OR1J2: variants seen among roughly 807,000 people sequenced by gnomAD.
OR1J2 encodes the protein olfactory receptor 1J2.
For missense variants in OR1J2, 304 were observed against 246.1 expected (o/e 1.24, Z -1.57); for synonymous variants, 142 against 99.7 (o/e 1.42, Z -2.52).
chr9:122,571,460 G>GA, the OR1J2 span, among the ~76,000 whole-genome samples: 9 of 151,458 alleles, frequency 5.9e-5, no homozygotes, highest in Non-Finnish European at 1.5e-5. Flanking sequence ...TGAGGCAGGA[G>GA]AATTGCTTGA....
chr9:122,514,257 G>C (rs976414215), downstream of OR1J2, among the ~76,000 whole-genome samples: 1 of 152,138 alleles, frequency 6.6e-6, no homozygotes, highest in Non-Finnish European at 1.5e-5. Context: ...GATAGTGAGC[G>C]TAGTACCCAA....
chr9:122,545,832 G>C, the OR1J2 span, among the ~76,000 whole-genome samples: 2 of 151,890 alleles, frequency 1.3e-5, no homozygotes, highest in Non-Finnish European at 2.9e-5. Flanking sequence ...ATACCAGACT[G>C]GGAATTATCT....
chr9:122,489,248 GACAC>G, the OR1J2 span, among the ~76,000 whole-genome samples: 2 of 151,738 alleles, frequency 1.3e-5, no homozygotes, highest in Non-Finnish European at 2.9e-5. Context: ...GAGAAGAAAA[GACAC>G]ACACACCATT....
the OR1J2 span, chr9:122,477,057 G>C: frequency 1.2e-6 from 2 of 1,614,024 alleles, no homozygotes; most frequent in East Asian, 4.5e-5. Flanking sequence ...TTCTCAGACT[G>C]TAAATGAATG....
Position 122,510,909 on chromosome 9 carries a change from G to C in OR1J2, c.108G>C (p.Leu36=), listed in dbSNP as rs1206243756. 5.0e-6 allele frequency: 8 copies of C among 1,612,312 alleles called. No homozygotes were observed. The highest frequency in any genetic ancestry group is 6.8e-6 in the Non-Finnish European group (8 of 1,178,522). Residue 36 remains leucine, a synonymous_variant, in exon 1 of 1, where the codon CTG becomes CTC. Transcript: ENST00000335302. ...TCACCCTGTTCCTGGGCATGTACCT[G>C]ACCACGGTGCTGGGGAACCTGCTCA... ...VFFTLFLGMY[L]TTVLGNLLIM...
chr9:122,564,246 C>T, the OR1J2 span, among the ~76,000 whole-genome samples: 4 of 152,154 alleles, frequency 2.6e-5, no homozygotes, highest in Non-Finnish European at 4.4e-5. Context: ...TGTGTCCACT[C>T]GATCCCAAAA....
upstream of OR1J2, chr9:122,510,702 T>C (rs1828614784): frequency 1.3e-6 from 1 of 742,832 alleles, no homozygotes; most frequent in Admixed American, 2.4e-5. Flanking sequence ...CCTGTGTCTA[T>C]GTTAAAACGT....
At chr9:122,448,276 C>T in the OR1J2 span, among the ~76,000 whole-genome samples, 1 of 152,160 alleles carries the variant, frequency 6.6e-6, no homozygotes, top group African/African-American at 2.4e-5. Flanking sequence ...ATGCTTTTCT[C>T]CACCTAAACA....
At chr9:122,505,435 TG>T in the OR1J2 span, among the ~76,000 whole-genome samples, 1 of 152,178 alleles carries the variant, frequency 6.6e-6, no homozygotes, top group Non-Finnish European at 1.5e-5. Context: ...AATCTATGAA[TG>T]GATAAATCCA....
chr9:122,479,103 G>A, the OR1J2 span, among the ~76,000 whole-genome samples: 10 of 152,204 alleles, frequency 6.6e-5, no homozygotes, highest in South Asian at 6.2e-4. Flanking sequence ...AATGTGTAGC[G>A]CGAAAACATA....
At chr9:122,574,632 T>C in the OR1J2 span, among the ~76,000 whole-genome samples, 1 of 152,132 alleles carries the variant, frequency 6.6e-6, no homozygotes, top group Admixed American at 6.5e-5. Context: ...AAATCATCTG[T>C]GAACAAAGAT....
the OR1J2 span, among the ~76,000 whole-genome samples, chr9:122,451,794 C>G: frequency 6.6e-6 from 1 of 152,324 alleles, no homozygotes; most frequent in African/African-American, 2.4e-5. Flanking sequence ...TTTCCCATAA[C>G]TGGTGTAATT....
chr9:122,549,667 G>A, the OR1J2 span, among the ~76,000 whole-genome samples: 3 of 152,068 alleles, frequency 2.0e-5, no homozygotes, highest in Admixed American at 1.3e-4. Context: ...ATATCAGTTG[G>A]CTGTAAGTAT....
At chr9:122,468,694 T>C in the OR1J2 span, among the ~76,000 whole-genome samples, 4 of 152,276 alleles carry the variant, frequency 2.6e-5, no homozygotes, top group Admixed American at 2.6e-4. Context: ...GCTGCATCCT[T>C]GTTAGTCAAG....
the OR1J2 span, among the ~76,000 whole-genome samples, chr9:122,577,178 C>CT: frequency 2.6e-3 from 391 of 151,998 alleles, 2 homozygotes; most frequent in Admixed American, 5.4e-3. Flanking sequence ...ATGACCTAGT[C>CT]TTTTTTTTAA....
At chr9:122,485,959 A>C in the OR1J2 span, among the ~76,000 whole-genome samples, 5 of 138,572 alleles carry the variant, frequency 3.6e-5, no homozygotes, top group Non-Finnish European at 8.0e-5. Flanking sequence ...TTCCCACATA[A>C]GTTTTTTTTT....
chr9:122,532,077 G>A, the OR1J2 span, among the ~76,000 whole-genome samples: 1 of 41,004 alleles, frequency 2.4e-5, no homozygotes, highest in African/African-American at 1.1e-4. Flanking sequence ...CTGGGTGGGA[G>A]CAAATCCCTG....
chr9:122,571,518 C>G, the OR1J2 span, among the ~76,000 whole-genome samples: 1 of 148,700 alleles, frequency 6.7e-6, no homozygotes, highest in Non-Finnish European at 1.5e-5. Context: ...CCACTGCACT[C>G]CAGCCTGGCC....
chr9:122,468,061 T>C, the OR1J2 span, among the ~76,000 whole-genome samples: 5 of 152,238 alleles, frequency 3.3e-5, no homozygotes, highest in Admixed American at 2.0e-4. Context: ...ACTTAGAGGA[T>C]GTAATTTTTC....
Sources: allele counts gnomAD v4.1 joint callset (sites outside exome capture counted in the v4.1 genomes callset), GRCh38; gene constraint gnomAD v4.1.1; transcripts MANE v1.5; gene names NCBI Gene and HGNC (gene_info 2026-07-23, HGNC 2026-07-21).